Variants in WWOX observed in about 807,000 individuals in gnomAD.
WWOX encodes the protein WW domain-containing oxidoreductase.
In WWOX, 69 loss-of-function variants were observed where a neutral mutation model predicts 46.2. The ratio of observed to expected loss-of-function variants is 1.49; its 90% CI spans 1.23 to 1.82. WWOX has a LOEUF of 1.82. Ranked by LOEUF, WWOX falls within the 40% of genes most tolerant of loss-of-function variation. The pLI is 0.00. For synonymous variants in WWOX, 359 were observed against 202.6 expected, an observed-to-expected ratio of 1.77 and a Z score of -6.56; for missense variants, 919 against 542.6, an observed-to-expected ratio of 1.69 and a Z score of -6.89.
At chr16:78,738,000 G>A (rs73571683) in intron 8 of WWOX, among the ~76,000 whole-genome samples, 28 of 152,304 alleles carry the variant, frequency 1.8e-4, no homozygotes, top group African/African-American at 6.0e-4. Flanking sequence ...TAACATAGCA[G>A]GGGTTTCCCT....
chr16:78,656,880 G>A (rs1247505482), intron 8 of WWOX, among the ~76,000 whole-genome samples: 1 of 152,196 alleles, frequency 6.6e-6, no homozygotes, highest in Non-Finnish European at 1.5e-5. Flanking sequence ...AGGGGAGGCT[G>A]TAGATACACA....
intron 8 of WWOX, among the ~76,000 whole-genome samples, chr16:79,065,921 G>T (rs994972167): frequency 6.6e-6 from 1 of 152,156 alleles, no homozygotes; most frequent in Non-Finnish European, 1.5e-5. Flanking sequence ...TTGCTCCCAG[G>T]CATTGTTCTT....
At chr16:78,498,370 G>T (rs1392434575) in intron 8 of WWOX, among the ~76,000 whole-genome samples, 1 of 152,124 alleles carries the variant, frequency 6.6e-6, no homozygotes, top group Non-Finnish European at 1.5e-5. Flanking sequence ...ACAGTTGATA[G>T]ACCAGGCACA....
intron 8 of WWOX, among the ~76,000 whole-genome samples, chr16:79,023,857 G>A (rs1323772433): frequency 6.6e-6 from 1 of 152,020 alleles, no homozygotes; most frequent in East Asian, 1.9e-4. Context: ...TCGGGAGGCT[G>A]AGGCAGGAGA....
intron 8 of WWOX, among the ~76,000 whole-genome samples, chr16:78,868,071 T>G (rs1009406262): frequency 2.0e-5 from 3 of 152,198 alleles, no homozygotes; most frequent in Admixed American, 2.0e-4. Flanking sequence ...TACAAAGTCT[T>G]GTTCATGAAT....
chr16:78,486,571 T>TTTGG (rs2084643202), intron 8 of WWOX, among the ~76,000 whole-genome samples: 1 of 149,682 alleles, frequency 6.7e-6, no homozygotes, highest in Non-Finnish European at 1.5e-5. Flanking sequence ...TTTTGTTTTG[T>TTTGG]TTTGTTTTGT....
At chr16:78,454,011 T>G (rs1332319973) in intron 8 of WWOX, among the ~76,000 whole-genome samples, 1 of 152,194 alleles carries the variant, frequency 6.6e-6, no homozygotes, top group Non-Finnish European at 1.5e-5. Flanking sequence ...GTTTTTGTGA[T>G]GGGGTGATTT....
chr16:79,139,297 G>T (rs903378294), intron 8 of WWOX, among the ~76,000 whole-genome samples: 2 of 152,194 alleles, frequency 1.3e-5, no homozygotes, highest in Non-Finnish European at 2.9e-5. Context: ...GAGATTTACA[G>T]TCAAATTCCA....
intron 8 of WWOX, among the ~76,000 whole-genome samples, chr16:79,036,269 G>A (rs1456687832): frequency 6.6e-6 from 1 of 152,158 alleles, no homozygotes; most frequent in Non-Finnish European, 1.5e-5. Context: ...TTTTTGCCCT[G>A]ACTCCCACCA....
At chr16:78,952,108 T>C (rs147757928) in intron 8 of WWOX, among the ~76,000 whole-genome samples, 2 of 152,184 alleles carry the variant, frequency 1.3e-5, no homozygotes, top group East Asian at 1.9e-4. Flanking sequence ...CCCGTGTACC[T>C]TCCCTGTCTC....
chr16:78,320,139 C>A (rs1308796412), intron 5 of WWOX, among the ~76,000 whole-genome samples: 2 of 152,166 alleles, frequency 1.3e-5, no homozygotes, highest in African/African-American at 4.8e-5. Flanking sequence ...GTTTTCTCAG[C>A]TTCATGTACG....
At chr16:78,509,055 G>T (rs575068385) in intron 8 of WWOX, among the ~76,000 whole-genome samples, 2 of 152,272 alleles carry the variant, frequency 1.3e-5, no homozygotes, top group African/African-American at 4.8e-5. Context: ...ACACCTGCCT[G>T]CCCTTGCACA....
intron 8 of WWOX, among the ~76,000 whole-genome samples, chr16:78,554,809 C>G (rs983372060): frequency 3.9e-5 from 6 of 152,170 alleles, no homozygotes; most frequent in Non-Finnish European, 5.9e-5. Context: ...GCCCACTGCC[C>G]ACCCAGAGCC....
chr16:78,588,547 C>G (rs1235578883), intron 8 of WWOX, among the ~76,000 whole-genome samples: 3 of 152,144 alleles, frequency 2.0e-5, no homozygotes, highest in Non-Finnish European at 1.5e-5. Context: ...ATACTATAAT[C>G]ACAGAGCTTG....
intron 8 of WWOX, among the ~76,000 whole-genome samples, chr16:78,514,944 T>G (rs2151490973): frequency 6.6e-6 from 1 of 152,100 alleles, no homozygotes; most frequent in African/African-American, 2.4e-5. Context: ...ATCACAGGCG[T>G]TTTTGAGGCT....
chr16:79,068,358 G>T (rs1184497502), intron 8 of WWOX, among the ~76,000 whole-genome samples: 1 of 152,170 alleles, frequency 6.6e-6, no homozygotes, highest in Non-Finnish European at 1.5e-5. Flanking sequence ...GTGTTTGCAG[G>T]AGTTGTTCAG....
intron 8 of WWOX, among the ~76,000 whole-genome samples, chr16:78,487,119 T>G (rs199778813): frequency 6.6e-6 from 1 of 152,202 alleles, no homozygotes; most frequent in East Asian, 1.9e-4. Context: ...ACGAGATGAT[T>G]CTATAACAAC....
intron 5 of WWOX, among the ~76,000 whole-genome samples, chr16:78,363,854 C>T (rs1043435948): frequency 6.6e-6 from 1 of 152,150 alleles, no homozygotes; most frequent in Admixed American, 6.5e-5. Context: ...AGGTCATGTG[C>T]AGAGTTCGAG....
At chr16:78,144,681 C>T (rs1202914422) in intron 4 of WWOX, among the ~76,000 whole-genome samples, 5 of 149,888 alleles carry the variant, frequency 3.3e-5, no homozygotes, top group African/African-American at 7.4e-5. Flanking sequence ...CTACCATGCC[C>T]GGCTGATTTT....
Sources: gnomAD v4.1 joint callset for allele counts (sites outside exome capture counted in the v4.1 genomes callset) on GRCh38, gnomAD v4.1.1 for gene constraint, MANE v1.5 for transcripts, NCBI Gene and HGNC (gene_info 2026-07-23, HGNC 2026-07-21) for gene names.